The following SENP7 variants were observed in gnomAD, a reference collection of about 807,000 sequenced individuals.
SENP7 encodes the protein SUMO specific peptidase 7, also known as sentrin-specific protease 7.
Under a neutral mutation model 141.2 loss-of-function variants are expected in SENP7, and 64 were observed. That is an observed-to-expected ratio of 0.45 (90% confidence interval 0.37 to 0.56). The LOEUF (loss-of-function observed/expected upper bound fraction) is 0.56, where lower values mean the gene tolerates loss of function less well. Ranked by LOEUF, SENP7 falls within the 20% of genes least tolerant of loss-of-function variation. The probability of loss-of-function intolerance (pLI) is 0.00; values close to 1 mark genes in which losing one functional copy is unlikely to be tolerated. For synonymous variants in SENP7, 382 were observed against 426.4 expected, an observed-to-expected ratio of 0.90 and a Z score of 1.28; for missense variants, 1,025 against 1,212.2, an observed-to-expected ratio of 0.85 and a Z score of 2.29.
intron 13 of SENP7, among the ~76,000 whole-genome samples, chr3:101,345,511 G>C (rs1197285006): frequency 1.3e-5 from 2 of 152,184 alleles, no homozygotes; most frequent in African/African-American, 2.4e-5. Context: ...TTGTAAAAGG[G>C]GTTGAGTTCT....
chr3:101,375,059 C>A (rs1438318175), intron 6 of SENP7, among the ~76,000 whole-genome samples: 4 of 151,914 alleles, frequency 2.6e-5, no homozygotes, highest in Non-Finnish European at 5.9e-5. Context: ...CAACAATATA[C>A]CATTTCACAC....
At chr3:101,470,467 C>T (rs55657827) in intron 3 of SENP7, among the ~76,000 whole-genome samples, 28,297 of 152,066 alleles carry the variant, frequency 0.19, 3,158 homozygotes, top group Admixed American at 0.35. Flanking sequence ...ATGCCAAAAA[C>T]TCTCAATAAA....
At chr3:101,399,092 A>C in intron 5 of SENP7, 37 bp from the exon 6 acceptor site, 1 of 1,313,810 alleles carries the variant, frequency 7.6e-7, no homozygotes, top group Non-Finnish European at 1.0e-6. Context: ...ACTGTACTGA[A>C]GTTTTCAGTT....
chr3:101,366,677 T>C lies in SENP7; in HGVS notation c.1071A>G (p.Thr357=), dbSNP rs146946822. ...TAAAATCACTTTTTGTAGGTTTAGT[T>C]GTAATTTCTTCAGGCAGTTTTGGAT... is the stretch of plus-strand genomic sequence containing the variant. The part of the protein sequence containing the change: ...HQDPKLPEEI[T]TKPTKSDFTK... The change falls in exon 9 of 24, where the codon ACA becomes ACG. Residue 357 remains threonine, a synonymous_variant. Transcript: ENST00000394095. 5.0e-6 allele frequency: 8 copies of C among 1,613,634 alleles called. No homozygotes were observed. Among genetic ancestry groups the C allele is most frequent in the African/African-American group, 4.0e-5 (3 of 74,916 alleles).
At position 101,325,397 on chromosome 3, in the gene SENP7, T is replaced by C. The variant is rs547190475; in HGVS notation, c.*546A>G. 6.6e-6 allele frequency: 1 copy of C among 152,668 alleles called. No homozygotes were observed. The highest frequency in any genetic ancestry group is 6.5e-5 in the Admixed American group (1 of 15,268). The allele number at this position is 152,668 out of a possible 1,614,324, so 9.5% of individuals were successfully genotyped here. On this transcript the variant is annotated 3_prime_UTR_variant, in exon 24 of 24. Coordinates refer to ENST00000394095, the MANE Select transcript of SENP7 (RefSeq NM_020654.5). ...TATCATCTTCCTAACATTATGAATGTCTTTTTGTTACATACAGAAGGGATG... is the reference window on the plus strand; with the variant it reads ...TATCATCTTCCTAACATTATGAATGCCTTTTTGTTACATACAGAAGGGATG...
At chr3:101,452,346 C>T (rs1205958375) in intron 4 of SENP7, among the ~76,000 whole-genome samples, 1 of 152,124 alleles carries the variant, frequency 6.6e-6, no homozygotes, top group Non-Finnish European at 1.5e-5. Flanking sequence ...ACTTTCTTTA[C>T]AGAATTGGAA....
At chr3:101,390,435 T>A (rs961119849) in intron 6 of SENP7, among the ~76,000 whole-genome samples, 2 of 152,104 alleles carry the variant, frequency 1.3e-5, no homozygotes, top group Non-Finnish European at 2.9e-5. Flanking sequence ...GCTTTCGGTT[T>A]CCATTTGCAA....
chr3:101,374,227 G>T (rs2060256549), intron 6 of SENP7, among the ~76,000 whole-genome samples: 1 of 152,060 alleles, frequency 6.6e-6, no homozygotes, highest in Non-Finnish European at 1.5e-5. Flanking sequence ...TTCAATAAAG[G>T]GTGCTGTGAA....
intron 6 of SENP7, among the ~76,000 whole-genome samples, chr3:101,394,379 A>C (rs562069439): frequency 1.4e-4 from 21 of 152,298 alleles, no homozygotes; most frequent in African/African-American, 4.8e-4. Context: ...TATCTTTGCT[A>C]TGGTGAATAG....
intron 3 of SENP7, among the ~76,000 whole-genome samples, chr3:101,466,943 T>G (rs995727856): frequency 6.6e-6 from 1 of 152,190 alleles, no homozygotes; most frequent in African/African-American, 2.4e-5. Context: ...AGGGAAGCTG[T>G]GACAGGCTAC....
intron 23 of SENP7, 72 bp from the exon 24 acceptor site, chr3:101,326,152 T>A: frequency 7.9e-7 from 1 of 1,271,236 alleles, no homozygotes; most frequent in Non-Finnish European, 1.0e-6. Context: ...TTCATTTTTA[T>A]AAGAAATGAC....
At chr3:101,416,394 T>C (rs939187011) in intron 5 of SENP7, among the ~76,000 whole-genome samples, 1 of 152,194 alleles carries the variant, frequency 6.6e-6, no homozygotes, top group East Asian at 1.9e-4. Context: ...ATTGATGAGT[T>C]TGTTGTCATT....
At chr3:101,448,462 C>A (rs915018039) in intron 4 of SENP7, among the ~76,000 whole-genome samples, 1 of 152,178 alleles carries the variant, frequency 6.6e-6, no homozygotes, top group Non-Finnish European at 1.5e-5. Context: ...ATACAAACGA[C>A]GAATTAGCTC....
chr3:101,361,853 A>G lies in SENP7; in HGVS notation c.1485T>C (p.Ser495=). ...LITCESVQMS[S]ELCPYNPVME... ...TGACAGGATTATATGGGCATAATTCAGATGACATCTAACAAGGAATAAATC... is the reference window on the plus strand; with the variant it reads ...TGACAGGATTATATGGGCATAATTCGGATGACATCTAACAAGGAATAAATC... The change falls in exon 11 of 24, where the codon TCT becomes TCC. Residue 495 remains serine, a synonymous_variant. Coordinates refer to ENST00000394095, the MANE Select transcript of SENP7 (RefSeq NM_020654.5). 1 of 1,595,642 alleles carries G rather than the reference A, an allele frequency of 6.3e-7. No homozygotes were observed. Among genetic ancestry groups the G allele is most frequent in the Non-Finnish European group, 8.5e-7 (1 of 1,174,636 alleles).
intron 6 of SENP7, among the ~76,000 whole-genome samples, chr3:101,387,281 T>C (rs1307101220): frequency 1.3e-5 from 2 of 151,682 alleles, no homozygotes; most frequent in Non-Finnish European, 2.9e-5. Flanking sequence ...TACCAGCACA[T>C]ACCATTGAGA....
At chr3:101,441,915 C>T (rs2062690214) in intron 4 of SENP7, among the ~76,000 whole-genome samples, 1 of 152,144 alleles carries the variant, frequency 6.6e-6, no homozygotes, top group African/African-American at 2.4e-5. Context: ...CAGCATAAGA[C>T]AATAAGGACC....
intron 4 of SENP7, among the ~76,000 whole-genome samples, chr3:101,425,937 AAGAC>A (rs1462576801): frequency 2.0e-5 from 3 of 152,328 alleles, no homozygotes; most frequent in African/African-American, 7.2e-5. Flanking sequence ...TTTCTGAAAT[AAGAC>A]AGTCAGACAA....
intron 4 of SENP7, among the ~76,000 whole-genome samples, chr3:101,448,625 C>G (rs1271902169): frequency 6.6e-6 from 1 of 152,108 alleles, no homozygotes; most frequent in African/African-American, 2.4e-5. Flanking sequence ...TTGTGGGGTG[C>G]CTCCCAGTTA....
intron 4 of SENP7, chr3:101,457,520 T>C: frequency 6.2e-7 from 1 of 1,609,412 alleles, no homozygotes; most frequent in Non-Finnish European, 8.5e-7. Context: ...AGTGGATCAC[T>C]GTTCCTTGGT....
Sources: allele counts gnomAD v4.1 joint callset (sites outside exome capture counted in the v4.1 genomes callset), GRCh38; gene constraint gnomAD v4.1.1; transcripts MANE v1.5; gene names NCBI Gene and HGNC (gene_info 2026-07-23, HGNC 2026-07-21).